Variants in LRBA observed in about 807,000 individuals in gnomAD.
The protein encoded by LRBA is LPS responsive beige-like anchor protein, also known as lipopolysaccharide-responsive and beige-like anchor protein.
In LRBA, 176 loss-of-function variants were observed where a neutral mutation model predicts 330.0. The ratio of observed to expected loss-of-function variants is 0.53; its 90% CI spans 0.47 to 0.60. The LOEUF (loss-of-function observed/expected upper bound fraction) is 0.60, where lower values mean the gene tolerates loss of function less well. LRBA is among the 20% of genes least tolerant of loss of function. LRBA has a pLI of 0.00. For synonymous variants in LRBA, 1,230 were observed against 1,193.0 expected (o/e 1.03, Z -0.64); for missense variants, 3,259 against 3,444.8 (o/e 0.95, Z 1.35).
intron 53 of LRBA, among the ~76,000 whole-genome samples, chr4:150,294,298 C>T (rs1334544270): frequency 1.3e-5 from 2 of 152,158 alleles, no homozygotes; most frequent in Non-Finnish European, 2.9e-5. Context: ...CTCGCAAATA[C>T]TAAGAATGCT....
intron 34 of LRBA, among the ~76,000 whole-genome samples, chr4:150,770,215 G>A (rs1249677174): frequency 1.3e-5 from 2 of 152,038 alleles, no homozygotes; most frequent in African/African-American, 4.8e-5. Context: ...ACTCAGACTG[G>A]GACTTACACC....
intron 38 of LRBA, among the ~76,000 whole-genome samples, chr4:150,597,485 A>G (rs1773636548): frequency 6.6e-6 from 1 of 151,970 alleles, no homozygotes; most frequent in African/African-American, 2.4e-5. Flanking sequence ...AATTTTAGAA[A>G]ACAAATCCTC....
chr4:150,422,687 C>T (rs1748987213), intron 46 of LRBA: 3 of 700,902 alleles, frequency 4.3e-6, no homozygotes, highest in Non-Finnish European at 7.9e-6. Context: ...ACAACTGAGA[C>T]TGGCACTGTG....
chr4:150,519,951 T>C (rs537699658), intron 40 of LRBA, among the ~76,000 whole-genome samples: 11 of 152,320 alleles, frequency 7.2e-5, no homozygotes, highest in African/African-American at 2.4e-4. Context: ...TGAACATTTT[T>C]TCAGGTGCTT....
At chr4:150,410,971 A>G (rs954641725) in intron 47 of LRBA, among the ~76,000 whole-genome samples, 2 of 152,070 alleles carry the variant, frequency 1.3e-5, no homozygotes, top group Non-Finnish European at 2.9e-5. Flanking sequence ...GAACTCATAA[A>G]TTTTTCTATT....
chr4:150,644,360 AAAT>A (rs1176437579), intron 37 of LRBA, among the ~76,000 whole-genome samples: 1 of 151,918 alleles, frequency 6.6e-6, no homozygotes, highest in Non-Finnish European at 1.5e-5. Context: ...TTAAAAATGA[AAAT>A]AAGGCTGCAA....
Position 150,330,854 on chromosome 4 carries a change from T to C in LRBA, c.7363-4956A>G, listed in dbSNP as rs139745677. Among the ~76,000 whole-genome samples the C allele has an allele frequency of 1.2e-3, 178 of 152,258 alleles. 1 individual carries two copies. The highest frequency in any genetic ancestry group is 0.011 in the East Asian group (55 of 5,176). Reference sequence around the variant, plus strand: ...AAAAATTTACTGAGTGCCTGTTATATAGCAAGCTAGCCAGGAACCCTTATG... The same window carrying C: ...AAAAATTTACTGAGTGCCTGTTATACAGCAAGCTAGCCAGGAACCCTTATG... On this transcript the variant is annotated intron_variant, in intron 48 of 56. Coordinates refer to ENST00000651943, the MANE Select transcript of LRBA (RefSeq NM_001364905.1).
At chr4:150,791,745 T>C (rs1292554389) in intron 34 of LRBA, among the ~76,000 whole-genome samples, 1 of 152,076 alleles carries the variant, frequency 6.6e-6, no homozygotes, top group East Asian at 1.9e-4. Flanking sequence ...TTAAGAAGGC[T>C]TGGCCGGGCG....
intron 47 of LRBA, among the ~76,000 whole-genome samples, chr4:150,392,637 T>C (rs1267200033): frequency 7.9e-5 from 12 of 152,120 alleles, no homozygotes; most frequent in Admixed American, 3.9e-4. Flanking sequence ...TGTCTACTGT[T>C]GGTGTATAGG....
intron 37 of LRBA, among the ~76,000 whole-genome samples, chr4:150,604,488 T>C (rs919284133): frequency 6.6e-6 from 1 of 152,110 alleles, no homozygotes; most frequent in Non-Finnish European, 1.5e-5. Context: ...AATATTCTAA[T>C]AAAATACCAA....
At chr4:150,437,232 C>T (rs953732417) in intron 44 of LRBA, among the ~76,000 whole-genome samples, 1 of 151,764 alleles carries the variant, frequency 6.6e-6, no homozygotes, top group Admixed American at 6.6e-5. Context: ...GAAGCAACAA[C>T]CAGAAACAGA....
chr4:150,792,189 T>A (rs570513841), intron 34 of LRBA, among the ~76,000 whole-genome samples: 1 of 147,704 alleles, frequency 6.8e-6, no homozygotes, highest in African/African-American at 2.5e-5. Context: ...TAATACCGGA[T>A]AGTAAGTTTT....
intron 22 of LRBA, among the ~76,000 whole-genome samples, chr4:150,854,569 A>T (rs915345967): frequency 6.6e-6 from 1 of 152,252 alleles, no homozygotes; most frequent in Non-Finnish European, 1.5e-5. Flanking sequence ...AATGTCAAAT[A>T]GTAATAAGAG....
At chr4:150,314,885 T>C (rs1165280799) in intron 51 of LRBA, 7 of 152,182 alleles carry the variant, frequency 4.6e-5, no homozygotes, top group African/African-American at 1.7e-4. Context: ...AATGGCTCTT[T>C]CTGGTCGCCT....
chr4:150,502,703 G>A (rs979333329), intron 40 of LRBA, among the ~76,000 whole-genome samples: 2 of 152,200 alleles, frequency 1.3e-5, no homozygotes, highest in Admixed American at 6.5e-5. Flanking sequence ...CAGACAGTGG[G>A]TGCAGGACAG....
intron 42 of LRBA, among the ~76,000 whole-genome samples, chr4:150,479,193 C>T (rs755269229): frequency 7.2e-5 from 11 of 151,894 alleles, no homozygotes; most frequent in Non-Finnish European, 1.2e-4. Context: ...GTGAGTGATT[C>T]GCTTGAGCCC....
chr4:150,289,540 G>A (rs908953039), intron 53 of LRBA, among the ~76,000 whole-genome samples: 2 of 152,152 alleles, frequency 1.3e-5, no homozygotes, highest in Admixed American at 6.5e-5. Flanking sequence ...ACAGTCACTG[G>A]ATTTCCAGTA....
intron 40 of LRBA, among the ~76,000 whole-genome samples, chr4:150,528,452 G>C (rs925563940): frequency 6.7e-6 from 1 of 149,398 alleles, no homozygotes; most frequent in East Asian, 2.0e-4. Flanking sequence ...AGTGAGCCGA[G>C]ATCACGCCAC....
At chr4:150,519,534 T>C (rs1762710734) in intron 40 of LRBA, among the ~76,000 whole-genome samples, 1 of 152,214 alleles carries the variant, frequency 6.6e-6, no homozygotes. Context: ...TTGTTCTGTG[T>C]ATTGATAATT....
Sources: gnomAD v4.1 joint callset for allele counts (sites outside exome capture counted in the v4.1 genomes callset) on GRCh38, gnomAD v4.1.1 for gene constraint, MANE v1.5 for transcripts, NCBI Gene and HGNC (gene_info 2026-07-23, HGNC 2026-07-21) for gene names.